Variants in WDPCP observed in about 807,000 individuals in gnomAD.
WDPCP encodes WD repeat containing planar cell polarity effector, also known as WD repeat-containing and planar cell polarity effector protein fritz homolog.
In WDPCP, 71 loss-of-function variants were observed where a neutral mutation model predicts 93.1. That is an observed-to-expected ratio of 0.76 (90% CI 0.63 to 0.93). The LOEUF is 0.93. Among genes scored for constraint, WDPCP ranks in the 40% least tolerant of loss-of-function variants. The pLI is 0.00. For missense variants in WDPCP, 844 were observed against 887.4 expected, an observed-to-expected ratio of 0.95 and a Z score of 0.62; for synonymous variants, 315 against 315.0, an observed-to-expected ratio of 1.00 and a Z score of 0.00.
intron 13 of WDPCP, among the ~76,000 whole-genome samples, chr2:63,302,346 G>A (rs1685394630): frequency 1.3e-5 from 2 of 152,254 alleles, no homozygotes; most frequent in South Asian, 4.1e-4. Flanking sequence ...ATAGAAAAGG[G>A]GAAGAAATAC....
chr2:63,202,573 A>G (rs542680257), intron 14 of WDPCP, among the ~76,000 whole-genome samples: 42 of 152,192 alleles, frequency 2.8e-4, no homozygotes, highest in African/African-American at 8.2e-4. Flanking sequence ...GTTTCCTTTT[A>G]TAGTGCAGTT....
intron 14 of WDPCP, among the ~76,000 whole-genome samples, chr2:63,243,169 C>G (rs1171229813): frequency 6.6e-6 from 1 of 152,216 alleles, no homozygotes; most frequent in African/African-American, 2.4e-5. Flanking sequence ...TATAAAAATA[C>G]AGTCTTATTT....
chr2:63,133,490 G>T (rs773811410), intron 17 of WDPCP, among the ~76,000 whole-genome samples: 38 of 152,200 alleles, frequency 2.5e-4, no homozygotes, highest in Non-Finnish European at 3.4e-4. Flanking sequence ...ACCTTGAATT[G>T]TAATAATTCC....
At chr2:63,125,936 CTT>C (rs757992440) in intron 17 of WDPCP, among the ~76,000 whole-genome samples, 46 of 123,020 alleles carry the variant, frequency 3.7e-4, no homozygotes, top group Middle Eastern at 5.7e-3. Flanking sequence ...TTTACACAAG[CTT>C]TTTTTTTTTT....
At chr2:63,791,118 A>G (rs1016360264) in intron 2 of WDPCP, among the ~76,000 whole-genome samples, 2 of 152,182 alleles carry the variant, frequency 1.3e-5, no homozygotes, top group African/African-American at 4.8e-5. Context: ...CCAGGGAGAT[A>G]GGCTGTTTCC....
chr2:63,567,369 G>C (rs1707154930), intron 1 of WDPCP, among the ~76,000 whole-genome samples: 1 of 152,186 alleles, frequency 6.6e-6, no homozygotes, highest in African/African-American at 2.4e-5. Flanking sequence ...TGCAGAGATT[G>C]CAAGGGTTTT....
At chr2:63,249,512 G>A (rs1487723036) in intron 14 of WDPCP, among the ~76,000 whole-genome samples, 1 of 152,114 alleles carries the variant, frequency 6.6e-6, no homozygotes, top group African/African-American at 2.4e-5. Flanking sequence ...AGTGATCATG[G>A]GTTTTGGCAA....
chr2:63,252,755 A>G (rs1048415108), intron 14 of WDPCP, among the ~76,000 whole-genome samples: 2 of 152,214 alleles, frequency 1.3e-5, no homozygotes, highest in African/African-American at 4.8e-5. Context: ...GCTGAAAGAA[A>G]TCACAGACGA....
At chr2:63,704,726 C>T (rs1006310952) in intron 2 of WDPCP, among the ~76,000 whole-genome samples, 7 of 152,218 alleles carry the variant, frequency 4.6e-5, no homozygotes, top group East Asian at 1.9e-4. Context: ...ATTTTTGCAT[C>T]GATGTTCATC....
chr2:63,726,313 C>T (rs1669496495), intron 2 of WDPCP, among the ~76,000 whole-genome samples: 1 of 152,104 alleles, frequency 6.6e-6, no homozygotes, highest in Non-Finnish European at 1.5e-5. Context: ...GAGTCCTTTT[C>T]CCGTTGCTTG....
chr2:63,433,616 A>G (rs1338135915), intron 9 of WDPCP, 129 bp downstream of exon 9: 3 of 1,013,816 alleles, frequency 3.0e-6, no homozygotes, highest in Non-Finnish European at 4.2e-6. Flanking sequence ...TCTAGATATG[A>G]TACTTTTTGA....
intron 12 of WDPCP, among the ~76,000 whole-genome samples, chr2:63,317,669 A>G (rs1435884506): frequency 6.6e-6 from 1 of 152,140 alleles, no homozygotes; most frequent in Non-Finnish European, 1.5e-5. Flanking sequence ...TGGGGAAATG[A>G]CCTCCTATTT....
At chr2:63,374,420 A>G (rs1197837139) in intron 12 of WDPCP, among the ~76,000 whole-genome samples, 1 of 152,186 alleles carries the variant, frequency 6.6e-6, no homozygotes, top group Non-Finnish European at 1.5e-5. Context: ...TGATCTGACC[A>G]GGAGATTTTC....
rs1184440582 is a variant in WDPCP at position 63,553,385 on chromosome 2, C to G, written c.75+34812G>C. Among the ~76,000 whole-genome samples the G allele has an allele frequency of 6.6e-5, 10 of 152,150 alleles. No homozygotes were observed. In the East Asian group the frequency reaches 1.2e-3, roughly 18 times the overall value. On this transcript the variant is annotated intron_variant, in intron 1 of 17. Transcript: ENST00000272321. ...AGTTATTTTTGCAGCTTTGAAGTTG[C>G]TTCAAGATCTGTCATTTGGTTAGGT...
intron 2 of WDPCP, among the ~76,000 whole-genome samples, chr2:63,737,118 T>G (rs1043609353): frequency 3.9e-5 from 6 of 152,136 alleles, no homozygotes; most frequent in Non-Finnish European, 7.4e-5. Flanking sequence ...TGCCATGTGG[T>G]TCACAATTCT....
intron 9 of WDPCP, among the ~76,000 whole-genome samples, chr2:63,429,751 T>C (rs1422268368): frequency 1.3e-5 from 2 of 152,056 alleles, no homozygotes; most frequent in African/African-American, 4.8e-5. Flanking sequence ...TGTAAATTAG[T>C]CCAGCCACTG....
At chr2:63,409,728 A>G (rs535187125) in intron 9 of WDPCP, among the ~76,000 whole-genome samples, 1 of 152,186 alleles carries the variant, frequency 6.6e-6, no homozygotes, top group South Asian at 2.1e-4. Context: ...GAAACATTGG[A>G]AACACTTATA....
intron 10 of WDPCP, 78 bp from the exon 11 acceptor site, chr2:63,382,172 G>GA (rs1383740604): frequency 9.1e-6 from 13 of 1,427,772 alleles, no homozygotes; most frequent in Non-Finnish European, 1.1e-5. Context: ...TTTCCATAAA[G>GA]AAAAAAACCT....
intron 17 of WDPCP, among the ~76,000 whole-genome samples, chr2:63,137,700 A>G (rs1670725668): frequency 6.6e-6 from 1 of 152,130 alleles, no homozygotes; most frequent in South Asian, 2.1e-4. Flanking sequence ...TTTACATTTA[A>G]GTCTTTAATC....
Sources: allele counts gnomAD v4.1 joint callset (sites outside exome capture counted in the v4.1 genomes callset), GRCh38; gene constraint gnomAD v4.1.1; transcripts MANE v1.5; gene names NCBI Gene and HGNC (gene_info 2026-07-23, HGNC 2026-07-21).